Variants in NBDY observed in about 807,000 individuals in gnomAD.
NBDY encodes P-body dissociating protein.
intron 2 of NBDY, among the ~76,000 whole-genome samples, chrX:56,799,024 G>A (rs2069808457): frequency 8.9e-6 from 1 of 112,503 alleles, no homozygotes; most frequent in Non-Finnish European, 1.9e-5. Flanking sequence ...GGAGGCACCT[G>A]AGCTCATGTG....
intron 2 of NBDY, among the ~76,000 whole-genome samples, chrX:56,789,210 G>A (rs373965199): frequency 2.7e-5 from 3 of 113,012 alleles, no homozygotes; most frequent in East Asian, 2.8e-4. Context: ...CCCCACCTAC[G>A]TGGTCACTTT....
intron 2 of NBDY, among the ~76,000 whole-genome samples, chrX:56,785,903 G>A (rs746433223): frequency 1.7e-4 from 19 of 110,919 alleles, no homozygotes; most frequent in African/African-American, 3.6e-4. Flanking sequence ...CTTCTGTTTG[G>A]GGAGGTCAGG....
At chrX:56,744,008 G>T (rs766163274) in intron 2 of NBDY, among the ~76,000 whole-genome samples, 56 of 109,987 alleles carry the variant, frequency 5.1e-4, no homozygotes, top group Admixed American at 8.7e-4. Flanking sequence ...TTTGTATGTT[G>T]TGTTTCCATT....
intron 2 of NBDY, among the ~76,000 whole-genome samples, chrX:56,744,165 G>T (rs1271282552): frequency 4.5e-5 from 5 of 111,241 alleles, no homozygotes; most frequent in South Asian, 3.7e-4. Context: ...ATTCCATTGT[G>T]GTCAAAGATG....
chrX:56,765,446 T>A (rs1378935181), intron 2 of NBDY, among the ~76,000 whole-genome samples: 1 of 112,377 alleles, frequency 8.9e-6, no homozygotes, highest in Admixed American at 9.4e-5. Flanking sequence ...GCAGGCCTAC[T>A]TGTGGATCAA....
intron 1 of NBDY, among the ~76,000 whole-genome samples, chrX:56,730,373 T>A (rs1212683132): frequency 9.4e-6 from 1 of 106,266 alleles, no homozygotes; most frequent in African/African-American, 3.4e-5. Context: ...TAGCCAGGCG[T>A]GATGGTGGAC....
intron 1 of NBDY, among the ~76,000 whole-genome samples, chrX:56,730,455 G>C (rs1356947487): frequency 1.1e-5 from 1 of 92,267 alleles, no homozygotes; most frequent in East Asian, 3.8e-4. Flanking sequence ...AGGTTGCAGT[G>C]AGCCGAGATC....
chrX:56,737,468 G>T, intron 2 of NBDY: 1 of 727,952 alleles, frequency 1.4e-6, no homozygotes, highest in Non-Finnish European at 2.1e-6. Flanking sequence ...CTCATATATT[G>T]TATCATCTCT....
chrX:56,736,336 C>T (rs963035657), intron 2 of NBDY, among the ~76,000 whole-genome samples: 3 of 112,029 alleles, frequency 2.7e-5, no homozygotes, highest in African/African-American at 9.7e-5. Flanking sequence ...GCAATCTAGG[C>T]CCACTGCAGC....
In NBDY at chrX:56,751,726, C is replaced by G. The variant is rs868264691; in HGVS notation, c.*166+19527C>G. Among the ~76,000 whole-genome samples, 4 of 112,190 alleles carry G rather than the reference C, an allele frequency of 3.6e-5. No homozygotes were observed. In the Admixed American group the frequency reaches 3.8e-4, roughly 11 times the overall value. ...AACATCTGTCACCATTGATTAGTTT[C>G]GCATATTCTTGAACTTTATTTAAGT... is the stretch of plus-strand genomic sequence containing the variant. On this transcript the variant is annotated intron_variant, in intron 2 of 2. Transcript: ENST00000374922.
At chrX:56,797,508 C>T (rs1417203308) in intron 2 of NBDY, among the ~76,000 whole-genome samples, 1 of 110,592 alleles carries the variant, frequency 9.0e-6, no homozygotes, top group East Asian at 2.8e-4. Context: ...TTCAGTCCTT[C>T]TTTTCCACCA....
intron 2 of NBDY, among the ~76,000 whole-genome samples, chrX:56,803,096 G>C (rs984725636): frequency 8.9e-6 from 1 of 111,988 alleles, no homozygotes; most frequent in Non-Finnish European, 1.9e-5. Flanking sequence ...GAGTGCTGGA[G>C]AAATCCCAGG....
intron 2 of NBDY, among the ~76,000 whole-genome samples, chrX:56,781,381 A>T (rs2069688772): frequency 9.0e-6 from 1 of 111,640 alleles, no homozygotes; most frequent in Non-Finnish European, 1.9e-5. Flanking sequence ...GATGGGGTTG[A>T]GGTGTGGGCA....
chrX:56,731,990 G>A, intron 1 of NBDY, 73 bp from the exon 2 acceptor site: 1 of 287,132 alleles, frequency 3.5e-6, no homozygotes, highest in Middle Eastern at 9.3e-4. Flanking sequence ...ATAATGATTT[G>A]AGGAGACCAA....
intron 2 of NBDY, among the ~76,000 whole-genome samples, chrX:56,801,318 C>T (rs2069821288): frequency 9.0e-6 from 1 of 110,816 alleles, no homozygotes; most frequent in African/African-American, 3.3e-5. Flanking sequence ...CCTCTTCCTC[C>T]TCCTCCTCTT....
chrX:56,813,389 A>T (rs2069896537), intron 2 of NBDY, among the ~76,000 whole-genome samples: 1 of 110,869 alleles, frequency 9.0e-6, no homozygotes, highest in Admixed American at 9.6e-5. Context: ...ACAGCGATCC[A>T]CATTTCAGTG....
intron 2 of NBDY, among the ~76,000 whole-genome samples, chrX:56,764,835 A>G (rs983180810): frequency 9.0e-6 from 1 of 111,321 alleles, no homozygotes; most frequent in Admixed American, 9.4e-5. Flanking sequence ...CACAGGGAGC[A>G]GGGCAGCTTC....
chrX:56,789,959 G>A (rs1240331380), intron 2 of NBDY, among the ~76,000 whole-genome samples: 3 of 111,425 alleles, frequency 2.7e-5, no homozygotes, highest in Non-Finnish European at 5.7e-5. Context: ...GTGTGTTGGT[G>A]GGGGGTGTGG....
intron 2 of NBDY, among the ~76,000 whole-genome samples, chrX:56,748,798 A>G (rs760407728): frequency 4.2e-4 from 42 of 100,728 alleles, no homozygotes; most frequent in Non-Finnish European, 7.8e-4. Flanking sequence ...AGGCCAGATT[A>G]CAGTGGGTTG....
Sources: allele counts gnomAD v4.1 joint callset (sites outside exome capture counted in the v4.1 genomes callset), GRCh38; gene constraint gnomAD v4.1.1; transcripts MANE v1.5; gene names NCBI Gene and HGNC (gene_info 2026-07-23, HGNC 2026-07-21).